The following NRDC variants were observed in gnomAD, a reference collection of about 807,000 sequenced individuals.
NRDC encodes the protein nardilysin convertase.
In NRDC, 54 loss-of-function variants were observed where a neutral mutation model predicts 147.1. The observed-to-expected ratio is 0.37, with a 90% CI of 0.29 to 0.46. The LOEUF is 0.46. NRDC is among the 20% of genes least tolerant of loss of function. The pLI is 1.00. For synonymous variants in NRDC, 440 were observed against 482.1 expected (o/e 0.91, Z 1.14); for missense variants, 1,082 against 1,370.6 (o/e 0.79, Z 3.33).
At chr1:51,818,029 T>A (rs1680050726) in intron 10 of NRDC, 37 bp downstream of exon 10, 1 of 1,492,574 alleles carries the variant, frequency 6.7e-7, no homozygotes, top group African/African-American at 1.4e-5. Context: ...TACTCTCACT[T>A]GGTTCTAATG....
chr1:51,822,355 A>G (rs763533425), intron 7 of NRDC, among the ~76,000 whole-genome samples: 1 of 152,142 alleles, frequency 6.6e-6, no homozygotes, highest in African/African-American at 2.4e-5. Flanking sequence ...TCTAAATCCT[A>G]TGAAATCTAC....
In NRDC at chr1:51,795,553, A is replaced by G. The variant is rs576703171; in HGVS notation, c.2605-699T>C. ...GGAGGATAGCAGCCACAATTTCAAGAGTGGCCATTTATATATTCCAATCAA... is the reference window on the plus strand; with the variant it reads ...GGAGGATAGCAGCCACAATTTCAAGGGTGGCCATTTATATATTCCAATCAA... On this transcript the variant is annotated intron_variant, in intron 22 of 30. Transcript: ENST00000352171. 49 of 185,534 alleles carry G rather than the reference A, an allele frequency of 2.6e-4. No homozygotes were observed. The South Asian group carries it at 2.9e-3, about 11-fold the overall frequency. The allele number at this position is 185,534 out of a possible 1,614,324, so 11.5% of individuals were successfully genotyped here.
chr1:51,795,822 CCTTCTCTCTCA>C (rs1678874200), intron 22 of NRDC: 1 of 152,304 alleles, frequency 6.6e-6, no homozygotes, highest in Non-Finnish European at 1.5e-5. Context: ...TTCTAGACTG[CCTTCTCTCTCA>C]CTCCCACTGA....
chr1:51,863,803 T>C (rs1015129139), intron 1 of NRDC, among the ~76,000 whole-genome samples: 1 of 152,212 alleles, frequency 6.6e-6, no homozygotes, highest in Non-Finnish European at 1.5e-5. Flanking sequence ...ATATAAATGT[T>C]TTCCAAGCAA....
intron 1 of NRDC, among the ~76,000 whole-genome samples, chr1:51,850,976 AC>A (rs756873171): frequency 7.9e-5 from 12 of 152,154 alleles, no homozygotes; most frequent in Non-Finnish European, 1.6e-4. Flanking sequence ...AACACCGGCA[AC>A]CAAAATGGGA....
In NRDC at chr1:51,840,238, AGTT is replaced by A. The variant is rs762786914; in HGVS notation, c.615_617del (p.Lys205_Thr206delinsAsn). 70 of 1,594,820 alleles carry A rather than the reference AGTT, an allele frequency of 4.4e-5. 1 individual carries two copies. Among genetic ancestry groups the A allele is most frequent in the East Asian group, 3.6e-4 (16 of 44,660 alleles). The stretch of plus-strand genomic sequence containing the variant: ...ACATGACTCGCACCTGTTTTTCAGT[AGTT>A]TTTTTTCTAGCTTCTGCTCTCTCTT... On this transcript the variant is annotated inframe_deletion, in exon 2 of 31. Transcript: ENST00000352171.
chr1:51,810,178 A>C, intron 16 of NRDC, 103 bp downstream of exon 16: 1 of 807,746 alleles, frequency 1.2e-6, no homozygotes, highest in Non-Finnish European at 1.7e-6. Flanking sequence ...TTTTTAAAAA[A>C]TTATACTTTT....
At chr1:51,866,922 G>T (rs1469769746) in intron 1 of NRDC, among the ~76,000 whole-genome samples, 1 of 152,148 alleles carries the variant, frequency 6.6e-6, no homozygotes, top group African/African-American at 2.4e-5. Context: ...GAGGGCTTCA[G>T]CTGTTATCTG....
Position 51,791,561 on chromosome 1 carries a change from T to G in NRDC, c.2960+17A>C. The stretch of plus-strand genomic sequence containing the variant: ...GTCCATAATAGGTTACACTCATCTA[T>G]TCACTCACTCACTCACTTGTATTTG... On this transcript the variant is annotated intron_variant, in intron 27 of 30. Coordinates refer to ENST00000352171, the MANE Select transcript of NRDC (RefSeq NM_001101662.2). The G allele has an allele frequency of 6.3e-7, 1 of 1,587,490 alleles. No individual in the cohort carries two copies. The highest frequency in any genetic ancestry group is 8.7e-7 in the Non-Finnish European group (1 of 1,155,792).
At chr1:51,840,025 C>T (rs894026553) in intron 2 of NRDC, 22 of 456,858 alleles carry the variant, frequency 4.8e-5, no homozygotes, top group African/African-American at 3.7e-4. Context: ...TCTTTATATT[C>T]CATTAGTTTA....
At position 51,836,159 on chromosome 1, in the gene NRDC, C is replaced by T; in HGVS notation, c.684G>A (p.Leu228=). 1.2e-6 allele frequency: 2 copies of T among 1,614,162 alleles called. No individual in the cohort carries two copies. The highest frequency in any genetic ancestry group is 2.2e-5 in the East Asian group (1 of 44,874). The change falls in exon 3 of 31, where the codon CTG becomes CTA. Residue 228 remains leucine, a synonymous_variant. Coordinates refer to ENST00000352171, the MANE Select transcript of NRDC (RefSeq NM_001101662.2). ...GVGSFADPDD[L]PGLAHFLEHM... ...GCTCCAAAAAGTGTGCCAGCCCCGGCAGGTCATCTGGATCAGCGAAACTCC... is the reference window on the plus strand; with the variant it reads ...GCTCCAAAAAGTGTGCCAGCCCCGGTAGGTCATCTGGATCAGCGAAACTCC...
At chr1:51,850,898 CT>C (rs1027268716) in intron 1 of NRDC, among the ~76,000 whole-genome samples, 2 of 152,210 alleles carry the variant, frequency 1.3e-5, no homozygotes, top group African/African-American at 4.8e-5. Context: ...CTTTCTACCA[CT>C]GCAAAATCTT....
At chr1:51,855,585 AG>A (rs1323909134) in intron 1 of NRDC, among the ~76,000 whole-genome samples, 1 of 152,184 alleles carries the variant, frequency 6.6e-6, no homozygotes, top group Non-Finnish European at 1.5e-5. Context: ...GCATACTGGG[AG>A]GAAAAACTAA....
chr1:51,824,701 T>A (rs185751706), intron 6 of NRDC, among the ~76,000 whole-genome samples: 91 of 152,324 alleles, frequency 6.0e-4, no homozygotes, highest in African/African-American at 2.0e-3. Flanking sequence ...TATTGCTAAC[T>A]CTGTTGACAA....
At chr1:51,877,102 C>G (rs1683367253) in intron 1 of NRDC, among the ~76,000 whole-genome samples, 1 of 152,064 alleles carries the variant, frequency 6.6e-6, no homozygotes, top group Non-Finnish European at 1.5e-5. Context: ...GCAGGAGAAT[C>G]GCTTGAACCC....
chr1:51,806,909 C>T lies in NRDC; in HGVS notation c.1995G>A (p.Thr665=), dbSNP rs748674877. 8 of 1,611,980 alleles carry T rather than the reference C, an allele frequency of 5.0e-6. No homozygotes were observed. The Admixed American group carries it at 8.4e-5, about 17-fold the overall frequency. Residue 665 remains threonine, a synonymous_variant, in exon 18 of 31, where the codon ACG becomes ACA. Coordinates refer to ENST00000352171, the MANE Select transcript of NRDC (RefSeq NM_001101662.2). Reference sequence around the variant, plus strand: ...AATCGAAAGCCTTCAACGTAAAGTCCGTGGCTAATAAAAGAAGATAATAAT... The same window carrying T: ...AATCGAAAGCCTTCAACGTAAAGTCTGTGGCTAATAAAAGAAGATAATAAT... ...HLPAENKYIA[T]DFTLKAFDCP... is the part of the protein sequence containing the mutation.
chr1:51,795,261 C>T (rs534937091), intron 22 of NRDC: 3 of 1,218,436 alleles, frequency 2.5e-6, no homozygotes, highest in African/African-American at 3.1e-5. Context: ...CATCCTCTTC[C>T]CTTCTTAAGA....
At chr1:51,830,149 G>T (rs1454870607) in intron 4 of NRDC, among the ~76,000 whole-genome samples, 1 of 151,740 alleles carries the variant, frequency 6.6e-6, no homozygotes, top group African/African-American at 2.4e-5. Context: ...ATTTTTAGTA[G>T]ATATGGGGTT....
At chr1:51,849,743 G>T (rs1681845210) in intron 1 of NRDC, among the ~76,000 whole-genome samples, 1 of 151,994 alleles carries the variant, frequency 6.6e-6, no homozygotes, top group South Asian at 2.1e-4. Flanking sequence ...GTGAACCAGG[G>T]AGGCGGAGCT....
Sources: allele counts gnomAD v4.1 joint callset (sites outside exome capture counted in the v4.1 genomes callset), GRCh38; gene constraint gnomAD v4.1.1; transcripts MANE v1.5; gene names NCBI Gene and HGNC (gene_info 2026-07-23, HGNC 2026-07-21).